E2F3: variants seen among roughly 807,000 people sequenced by gnomAD.
E2F3 encodes the protein E2F transcription factor 3.
In E2F3, 11 loss-of-function variants were observed where a neutral mutation model predicts 44.4. The observed-to-expected ratio is 0.25, with a 90% CI of 0.16 to 0.41. E2F3 has a LOEUF of 0.41. Ranked by LOEUF, E2F3 falls within the 10% of genes least tolerant of loss-of-function variation. The pLI is 1.00. For missense variants in E2F3, 487 were observed against 583.6 expected, an observed-to-expected ratio of 0.83 and a Z score of 1.70; for synonymous variants, 249 against 253.0, an observed-to-expected ratio of 0.98 and a Z score of 0.15.
chr6:20,412,265 A>G (rs1190574456), intron 1 of E2F3, among the ~76,000 whole-genome samples: 2 of 152,198 alleles, frequency 1.3e-5, no homozygotes, highest in Non-Finnish European at 2.9e-5. Flanking sequence ...CTTGGAGTAC[A>G]TTAGGGCACA....
At chr6:20,428,673 G>A (rs1190567793) in intron 1 of E2F3, among the ~76,000 whole-genome samples, 1 of 152,148 alleles carries the variant, frequency 6.6e-6, no homozygotes, top group Non-Finnish European at 1.5e-5. Context: ...GATTAGAGTT[G>A]GTGCTGAAAA....
At chr6:20,420,418 A>G (rs1428591678) in intron 1 of E2F3, among the ~76,000 whole-genome samples, 2 of 150,790 alleles carry the variant, frequency 1.3e-5, no homozygotes, top group African/African-American at 4.9e-5. Context: ...TTAATGAACT[A>G]TAGATAATGG....
In E2F3 at chr6:20,479,890, C is replaced by T. The variant is rs1236892956; in HGVS notation, c.438C>T (p.Leu146=). 3.7e-6 allele frequency: 6 copies of T among 1,612,982 alleles called. No individual in the cohort carries two copies. The African/African-American group carries it at 8.0e-5, about 22-fold the overall frequency. ...TAGGAGAAAGCGGTCATCAGTACCT[C>T]TCAGATGGTTTAAAAACCCCCAAGG... The part of the protein sequence containing the change: ...LELGESGHQY[L]SDGLKTPKGK... The change falls in exon 2 of 7, where the codon CTC becomes CTT. Residue 146 remains leucine (L), a synonymous_variant. Transcript: ENST00000346618.
intron 1 of E2F3, among the ~76,000 whole-genome samples, chr6:20,406,913 T>G (rs1463263319): frequency 2.0e-5 from 3 of 152,206 alleles, no homozygotes; most frequent in Non-Finnish European, 4.4e-5. Context: ...AGACAAGGCT[T>G]CATCATTTTC....
In E2F3 at chr6:20,488,239, G is replaced by A. The variant is rs147333935; in HGVS notation, c.1126G>A (p.Ala376Thr). Residue 376 changes from alanine to threonine, a missense_variant, in exon 6 of 7, where the codon GCT (alanine) becomes ACT (threonine). Physicochemically the swap from Ala to Thr is moderately conservative, Grantham distance 58. Transcript: ENST00000346618. ...CCACAATGGGAATATCCCTAAACCC[G>A]CTTCCAAAGGTAAAAACTCCACTTT... ...QDHNGNIPKP[A>T]SKDLASTNSG... 822 of 1,583,904 alleles carry A rather than the reference G, an allele frequency of 5.2e-4. No homozygotes were observed. The highest frequency in any genetic ancestry group is 6.7e-4 in the Non-Finnish European group (780 of 1,171,748).
intron 1 of E2F3, among the ~76,000 whole-genome samples, chr6:20,479,571 C>T (rs769757795): frequency 3.0e-4 from 45 of 152,248 alleles, no homozygotes; most frequent in Admixed American, 8.5e-4. Flanking sequence ...AATCAATGAA[C>T]AAAGTGACTC....
chr6:20,436,392 G>T (rs1760578558), intron 1 of E2F3, among the ~76,000 whole-genome samples: 3 of 151,948 alleles, frequency 2.0e-5, no homozygotes, highest in Non-Finnish European at 4.4e-5. Context: ...CACGTTGGAA[G>T]AAGACTTCTT....
intron 1 of E2F3, chr6:20,445,117 A>C: frequency 1.0e-6 from 1 of 985,408 alleles, no homozygotes; most frequent in Non-Finnish European, 1.2e-6. Context: ...GGTCATGGTG[A>C]GTTGGTCTTT....
Position 20,402,199 on chromosome 6 carries a change from T to C in E2F3, c.-34T>C, listed in dbSNP as rs1759324720. On this transcript the variant is annotated 5_prime_UTR_variant, in exon 1 of 7. Transcript: ENST00000346618. The surrounding 1 kb of genome is among the most constrained non-coding windows in gnomAD (Gnocchi z 5.6). The stretch of plus-strand genomic sequence containing the variant: ...AAAGAAATTGAAAACAATACATTAA[T>C]ATACCATAACACTAAAAAGAGCAGG... 2 of 1,552,712 alleles carry C rather than the reference T, an allele frequency of 1.3e-6. No homozygotes were observed. Among genetic ancestry groups the C allele is most frequent in the East Asian group, 4.6e-5 (2 of 43,392 alleles).
intron 1 of E2F3, among the ~76,000 whole-genome samples, chr6:20,411,620 G>A (rs1759675091): frequency 6.6e-6 from 1 of 152,172 alleles, no homozygotes; most frequent in Non-Finnish European, 1.5e-5. Flanking sequence ...TGCTGCGACA[G>A]TGTGGTGCTG....
chr6:20,401,991 C>A lies in E2F3; in HGVS notation c.-242C>A, dbSNP rs998832509. The A allele has an allele frequency of 3.4e-6, 2 of 589,940 alleles. No homozygotes were observed. The highest frequency in any genetic ancestry group is 2.0e-5 in the African/African-American group (1 of 51,214). The allele number at this position is 589,940 out of a possible 1,614,324, so 36.5% of individuals were successfully genotyped here. On this transcript the variant is annotated 5_prime_UTR_variant, in exon 1 of 7. Coordinates refer to ENST00000346618, the MANE Select transcript of E2F3 (RefSeq NM_001949.5). The stretch of plus-strand genomic sequence containing the variant: ...CATCGGCCGCCCCCGACGCCTCCAT[C>A]CCCGCTTGGGGCCCGATATCCGTGC...
chr6:20,438,997 A>T (rs1161053707), intron 1 of E2F3, among the ~76,000 whole-genome samples: 1 of 152,202 alleles, frequency 6.6e-6, no homozygotes, highest in African/African-American at 2.4e-5. Context: ...CCCAGATTAG[A>T]ACCCATTAAT....
intron 1 of E2F3, among the ~76,000 whole-genome samples, chr6:20,432,880 T>C (rs1216281376): frequency 6.6e-6 from 1 of 152,226 alleles, no homozygotes; most frequent in Non-Finnish European, 1.5e-5. Flanking sequence ...TTGCACTTGC[T>C]GTCCCATCTG....
intron 1 of E2F3, among the ~76,000 whole-genome samples, chr6:20,424,290 G>A (rs1045749218): frequency 7.1e-6 from 1 of 140,148 alleles, no homozygotes; most frequent in Non-Finnish European, 1.5e-5. Context: ...CGAATAGCCA[G>A]TTAAACTAGT....
In E2F3 at chr6:20,488,189, G is replaced by A; in HGVS notation, c.1076G>A (p.Ser359Asn). 6.2e-7 allele frequency: 1 copy of A among 1,612,258 alleles called. No individual in the cohort carries two copies. The highest frequency in any genetic ancestry group is 8.5e-7 in the Non-Finnish European group (1 of 1,179,608). Residue 359 changes from serine to asparagine, a missense_variant, in exon 6 of 7, where the codon AGT becomes AAT. Coordinates refer to ENST00000346618, the MANE Select transcript of E2F3 (RefSeq NM_001949.5). ...YLCPEETETH[S>N]PMKTNNQDHN... ...TGTCCAGAAGAGACTGAAACACACA[G>A]TCCAATGAAAACAAACAACCAAGAC...
chr6:20,465,705 T>C (rs1761679294), intron 1 of E2F3, among the ~76,000 whole-genome samples: 1 of 152,192 alleles, frequency 6.6e-6, no homozygotes, highest in Non-Finnish European at 1.5e-5. Context: ...CGATGTTTGG[T>C]TTTCCATTCC....
At chr6:20,483,719 C>T (rs540422433) in intron 4 of E2F3, among the ~76,000 whole-genome samples, 4 of 152,312 alleles carry the variant, frequency 2.6e-5, no homozygotes, top group African/African-American at 9.6e-5. Context: ...TGCCAATATT[C>T]TCAGTTATTA....
intron 1 of E2F3, among the ~76,000 whole-genome samples, chr6:20,441,123 C>T (rs926953444): frequency 6.6e-6 from 1 of 152,048 alleles, no homozygotes; most frequent in African/African-American, 2.4e-5. Flanking sequence ...TTTTTTTCAC[C>T]GTCTCTAACA....
At chr6:20,458,919 G>A (rs1018815980) in intron 1 of E2F3, among the ~76,000 whole-genome samples, 1 of 150,512 alleles carries the variant, frequency 6.6e-6, no homozygotes, top group Non-Finnish European at 1.5e-5. Context: ...GGGATCATAC[G>A]AAATGGGGTC....
Sources: allele counts gnomAD v4.1 joint callset (sites outside exome capture counted in the v4.1 genomes callset), GRCh38; gene constraint gnomAD v4.1.1; non-coding constraint Gnocchi (gnomAD v3.1); transcripts MANE v1.5; gene names NCBI Gene and HGNC (gene_info 2026-07-23, HGNC 2026-07-21).